CLTB: variants seen among roughly 807,000 people sequenced by gnomAD.
The protein encoded by CLTB is clathrin, light chain (Lcb).
CLTB carries 10 observed loss-of-function variants against 30.5 expected under a neutral mutation model. The ratio of observed to expected loss-of-function variants is 0.33; its 90% CI spans 0.20 to 0.56. The LOEUF (loss-of-function observed/expected upper bound fraction) is 0.56. CLTB is among the 20% of genes least tolerant of loss of function. The pLI is 0.91. For synonymous variants in CLTB, 102 were observed against 120.3 expected (o/e 0.85, Z 1.00); for missense variants, 261 against 308.3 (o/e 0.85, Z 1.15).
At chr5:176,402,627 C>T (rs930981507) in intron 2 of CLTB, among the ~76,000 whole-genome samples, 4 of 152,234 alleles carry the variant, frequency 2.6e-5, no homozygotes, top group Non-Finnish European at 5.9e-5. Flanking sequence ...CCATACAGCA[C>T]CCAGCACCGG....
chr5:176,415,897 G>C (rs1284287995), intron 1 of CLTB, among the ~76,000 whole-genome samples: 1 of 152,214 alleles, frequency 6.6e-6, no homozygotes, highest in East Asian at 1.9e-4. Flanking sequence ...AACTGAGGTG[G>C]GGTTGGATTC....
chr5:176,397,611 T>G lies in CLTB; in HGVS notation c.460A>C (p.Asn154His). The G allele has an allele frequency of 2.0e-6, 3 of 1,476,436 alleles. No individual in the cohort carries two copies. The highest frequency in any genetic ancestry group is 2.7e-6 in the Non-Finnish European group (3 of 1,095,260). The allele number at this position is 1,476,436 out of a possible 1,614,324, so 91.5% of individuals were successfully genotyped here. Residue 154 changes from asparagine to histidine, a missense_variant, in exon 4 of 6, where the codon AAC (asparagine) becomes CAC (histidine). Physicochemically the swap from Asn to His is moderately conservative, Grantham distance 68. Coordinates refer to ENST00000310418, the MANE Select transcript of CLTB (RefSeq NM_007097.5). ...ATGTCCCTACAGCCCTCTCACCGGTTGTTGATCTTGTTCTTCTCTACTTGT... is the reference window on the plus strand; with the variant it reads ...ATGTCCCTACAGCCCTCTCACCGGTGGTTGATCTTGTTCTTCTCTACTTGT... ...SEQVEKNKIN[N>H]RIADKAFYQQ...
intron 2 of CLTB, among the ~76,000 whole-genome samples, chr5:176,403,222 T>C (rs149129610): frequency 0.011 from 1,693 of 151,970 alleles, 43 homozygotes; most frequent in African/African-American, 0.038. Context: ...GCTACTTTTT[T>C]TATTTTTAGT....
Position 176,392,623 on chromosome 5 carries a change from G to T in CLTB, c.*151C>A. On this transcript the variant is annotated 3_prime_UTR_variant, in exon 6 of 6. Transcript: ENST00000310418. The surrounding 1 kb of genome is among the most constrained non-coding windows in gnomAD (Gnocchi z 5.2). ...GCCAGGAGGGAGCGAGGCGTGATGGGGTGAGGGCCCCCCTCCCAGCGCCTG... is the reference window on the plus strand; with the variant it reads ...GCCAGGAGGGAGCGAGGCGTGATGGTGTGAGGGCCCCCCTCCCAGCGCCTG... 1.2e-6 allele frequency: 1 copy of T among 838,696 alleles called. No individual in the cohort carries two copies. The highest frequency in any genetic ancestry group is 1.9e-6 in the Non-Finnish European group (1 of 537,722). The allele number at this position is 838,696 out of a possible 1,614,324, so 52.0% of individuals were successfully genotyped here.
chr5:176,408,105 C>A (rs1757226377), intron 2 of CLTB, among the ~76,000 whole-genome samples: 1 of 152,050 alleles, frequency 6.6e-6, no homozygotes, highest in African/African-American at 2.4e-5. Flanking sequence ...CTATTGCATG[C>A]CTCTGTGGTC....
rs1756310749 is a variant in CLTB at position 176,392,701 on chromosome 5, C to T, written c.*73G>A. 6.4e-7 allele frequency: 1 copy of T among 1,555,112 alleles called. No individual in the cohort carries two copies. The highest frequency in any genetic ancestry group is 1.7e-5 in the Admixed American group (1 of 58,872). ...GGGTAGCAGCTGCTGCGAGTCTCCA[C>T]CCCGACCAAAGCAGCTGCTCCTCCT... On this transcript the variant is annotated 3_prime_UTR_variant, in exon 6 of 6. Transcript: ENST00000310418. This position sits in a 1 kb window ranked among gnomAD's most constrained non-coding sequence, Gnocchi z 5.2.
intron 2 of CLTB, chr5:176,406,846 G>T: frequency 1.8e-6 from 1 of 561,404 alleles, no homozygotes; most frequent in Non-Finnish European, 2.6e-6. Context: ...AAGAGCTGGG[G>T]CTTTCCACCT....
At position 176,392,882 on chromosome 5, in the gene CLTB, C is replaced by T; in HGVS notation, c.582G>A (p.Lys194=). The change falls in exon 6 of 6, where the codon AAG becomes AAA. Residue 194 remains lysine, a synonymous_variant. Transcript: ENST00000310418. This position sits in a 1 kb window ranked among gnomAD's most constrained non-coding sequence, Gnocchi z 5.2. ...GGTTGAAGTCACATAGCTGGGCCAC[C>T]TTCTCCCACTCTGTGCCTGGGGTCT... is the stretch of plus-strand genomic sequence containing the variant. ...KEETPGTEWE[K]VAQLCDFNPK... is the part of the protein sequence containing the mutation. The T allele has an allele frequency of 1.9e-6, 3 of 1,614,228 alleles. No homozygotes were observed. Among genetic ancestry groups the T allele is most frequent in the Non-Finnish European group, 2.5e-6 (3 of 1,180,026 alleles).
chr5:176,404,532 A>T (rs1240298979), intron 2 of CLTB, among the ~76,000 whole-genome samples: 2 of 152,070 alleles, frequency 1.3e-5, no homozygotes, highest in African/African-American at 4.8e-5. Flanking sequence ...AGGTCTTCTG[A>T]CTCCATCTAA....
intron 2 of CLTB, among the ~76,000 whole-genome samples, chr5:176,402,412 T>G (rs753657143): frequency 1.3e-5 from 2 of 152,272 alleles, no homozygotes; most frequent in East Asian, 3.8e-4. Context: ...CCTCTATTCG[T>G]GCACTCTTGC....
At chr5:176,408,889 C>T (rs972444247) in intron 2 of CLTB, among the ~76,000 whole-genome samples, 1 of 152,202 alleles carries the variant, frequency 6.6e-6, no homozygotes, top group Non-Finnish European at 1.5e-5. Flanking sequence ...AAAGTGAATG[C>T]CCCTTTCTTA....
Position 176,414,606 on chromosome 5 carries a change from C to T in CLTB, c.187+1571G>A, listed in dbSNP as rs142744499. ...TACAGCTACATGCCACCATGCCTGG[C>T]TAATTTTTGTATGTTTTGTAGAGAT... On this transcript the variant is annotated intron_variant, in intron 1 of 5. Transcript: ENST00000310418. 1.6e-3 allele frequency among the ~76,000 whole-genome samples: 237 copies of T among 152,138 alleles called. 2 individuals are homozygous for T. Among genetic ancestry groups the T allele is most frequent in the African/African-American group, 5.5e-3 (227 of 41,496 alleles).
At chr5:176,403,804 G>C (rs558307762) in intron 2 of CLTB, among the ~76,000 whole-genome samples, 3 of 152,174 alleles carry the variant, frequency 2.0e-5, no homozygotes, top group Admixed American at 1.3e-4. Flanking sequence ...CTGTTGTCCA[G>C]GCTGGAGTAC....
chr5:176,406,806 T>C (rs1757145273), intron 2 of CLTB: 1 of 955,226 alleles, frequency 1.0e-6, no homozygotes, highest in Non-Finnish European at 1.4e-6. Context: ...CCCCTGCAGG[T>C]GCAGGCCAGA....
intron 2 of CLTB, among the ~76,000 whole-genome samples, chr5:176,401,470 C>A (rs187401285): frequency 6.6e-6 from 1 of 152,208 alleles, no homozygotes; most frequent in Non-Finnish European, 1.5e-5. Flanking sequence ...GAATCCTGAA[C>A]GTCACTTCAC....
intron 1 of CLTB, among the ~76,000 whole-genome samples, chr5:176,412,818 T>C (rs1042795297): frequency 2.6e-5 from 4 of 152,260 alleles, no homozygotes; most frequent in East Asian, 1.9e-4. Flanking sequence ...GTGGGACCAA[T>C]AGCATTTCAG....
chr5:176,400,476 T>G (rs929823763), intron 2 of CLTB, among the ~76,000 whole-genome samples: 8 of 151,992 alleles, frequency 5.3e-5, no homozygotes, highest in African/African-American at 1.7e-4. Context: ...TCTGCTCACG[T>G]CTCCCCACCC....
intron 2 of CLTB, among the ~76,000 whole-genome samples, chr5:176,400,687 A>C (rs1561794470): frequency 6.6e-6 from 1 of 152,002 alleles, no homozygotes; most frequent in African/African-American, 2.4e-5. Context: ...CTCCCCTCCC[A>C]GCAATAGTCT....
chr5:176,407,932 C>G (rs1291157190), intron 2 of CLTB, among the ~76,000 whole-genome samples: 1 of 152,134 alleles, frequency 6.6e-6, no homozygotes, highest in Non-Finnish European at 1.5e-5. Flanking sequence ...TTGTTTACTC[C>G]CCCAGAGGAT....
Sources: allele counts gnomAD v4.1 joint callset (sites outside exome capture counted in the v4.1 genomes callset), GRCh38; gene constraint gnomAD v4.1.1; non-coding constraint Gnocchi (gnomAD v3.1); transcripts MANE v1.5; gene names NCBI Gene and HGNC (gene_info 2026-07-23, HGNC 2026-07-21).